HDAC5: variants seen among roughly 807,000 people sequenced by gnomAD.
HDAC5 encodes antigen NY-CO-9.
A neutral mutation model predicts 133.3 loss-of-function variants in HDAC5; 25 were observed. That is an observed-to-expected ratio of 0.19 (90% CI 0.14 to 0.26). HDAC5 has a LOEUF of 0.26. Among genes scored for constraint, HDAC5 ranks in the 10% least tolerant of loss-of-function variants. The pLI is 1.00. For missense variants in HDAC5, 1,041 were observed against 1,460.5 expected (o/e 0.71, Z 4.68); for synonymous variants, 589 against 610.8 (o/e 0.96, Z 0.53).
intron 3 of HDAC5, among the ~76,000 whole-genome samples, chr17:44,103,985 C>A (rs904786710): frequency 3.3e-5 from 5 of 150,290 alleles, no homozygotes; most frequent in Admixed American, 3.3e-4. Context: ...TGGAATTATA[C>A]GCGTGAGCCA....
At chr17:44,084,697 G>C in intron 15 of HDAC5, 22 bp from the exon 16 acceptor site, 1 of 1,613,154 alleles carries the variant, frequency 6.2e-7, no homozygotes, top group Non-Finnish European at 8.5e-7. Context: ...ATCAGTAAGA[G>C]GGGTCACACA....
chr17:44,104,723 C>T (rs2051827343), intron 3 of HDAC5, among the ~76,000 whole-genome samples: 1 of 152,204 alleles, frequency 6.6e-6, no homozygotes, highest in Non-Finnish European at 1.5e-5. Context: ...CACAGATAAG[C>T]ACAAGTTTTG....
intron 3 of HDAC5, among the ~76,000 whole-genome samples, chr17:44,108,757 A>C (rs1387066615): frequency 7.4e-6 from 1 of 135,116 alleles, no homozygotes; most frequent in Non-Finnish European, 1.5e-5. Context: ...AGTCCAAAAA[A>C]AAAACAAAAA....
rs188117064 is a variant in HDAC5 at position 44,111,654 on chromosome 17, G to T, written c.23-854C>A. 496 of 517,812 alleles carry T rather than the reference G, an allele frequency of 9.6e-4. 2 individuals are homozygous for T. Among genetic ancestry groups the T allele is most frequent in the African/African-American group, 8.5e-3 (442 of 52,048 alleles). 32.1% of individuals were successfully genotyped at this position (517,812 alleles called of 1,614,324 possible). ...AGGCACCTTCCCTGGAGTTCTAATAGCCCCATGGAGGTTTGCTTAACTTCT... is the reference window on the plus strand; with the variant it reads ...AGGCACCTTCCCTGGAGTTCTAATATCCCCATGGAGGTTTGCTTAACTTCT... On this transcript the variant is annotated intron_variant, in intron 2 of 26. Coordinates refer to ENST00000682912, the MANE Select transcript of HDAC5 (RefSeq NM_005474.5).
intron 1 of HDAC5, 68 bp downstream of exon 1, chr17:44,123,436 G>C (rs1487334654): frequency 2.8e-6 from 1 of 360,198 alleles, no homozygotes; most frequent in Non-Finnish European, 5.0e-6. Context: ...GACAGCAGGA[G>C]GAGGGGGCGC....
In HDAC5 at chr17:44,088,372, C is replaced by T. The variant is rs1038344993; in HGVS notation, c.1599+15G>A. ...CCCCACCACAGCCCCAGGCCATTCA[C>T]CTTTCCAGGCTCACCTTGCCCAGCT... On this transcript the variant is annotated intron_variant, in intron 12 of 26. Coordinates refer to ENST00000682912, the MANE Select transcript of HDAC5 (RefSeq NM_005474.5). 3.9e-6 allele frequency: 6 copies of T among 1,546,824 alleles called. No homozygotes were observed. The African/African-American group carries it at 8.2e-5, about 21-fold the overall frequency.
chr17:44,092,643 T>C (rs762201640), intron 7 of HDAC5, 33 bp downstream of exon 7: 3 of 1,528,830 alleles, frequency 2.0e-6, no homozygotes, highest in Admixed American at 2.1e-5. Flanking sequence ...CCAGGAGCCA[T>C]ATTCTGGGAG....
In HDAC5 at chr17:44,078,047, G is replaced by T. The variant is rs1360264656; in HGVS notation, c.*329C>A. The T allele has an allele frequency of 7.6e-6, 2 of 261,622 alleles. No individual in the cohort carries two copies. Among genetic ancestry groups the T allele is most frequent in the Non-Finnish European group, 1.4e-5 (2 of 138,446 alleles). 16.2% of individuals were successfully genotyped at this position (261,622 alleles called of 1,614,324 possible). ...TTCCCTCCTCACTCGGGGGGCCCCA[G>T]AACTGGAGAGTACTGTCTGGGCCCC... On this transcript the variant is annotated 3_prime_UTR_variant, in exon 27 of 27. Coordinates refer to ENST00000682912, the MANE Select transcript of HDAC5 (RefSeq NM_005474.5).
At chr17:44,107,940 T>C (rs944894835) in intron 3 of HDAC5, among the ~76,000 whole-genome samples, 1 of 152,044 alleles carries the variant, frequency 6.6e-6, no homozygotes, top group African/African-American at 2.4e-5. Context: ...GGGCATCAGC[T>C]CCACCCAGTA....
intron 3 of HDAC5, among the ~76,000 whole-genome samples, chr17:44,097,949 G>A (rs2051371022): frequency 2.0e-5 from 3 of 152,370 alleles, no homozygotes; most frequent in African/African-American, 7.2e-5. Context: ...CAGCCCTATT[G>A]GTATGCAGGT....
At chr17:44,097,835 G>C (rs1031948895) in intron 3 of HDAC5, among the ~76,000 whole-genome samples, 5 of 152,264 alleles carry the variant, frequency 3.3e-5, no homozygotes, top group Admixed American at 3.3e-4. Context: ...CCTTGCAGGA[G>C]CCCTGCAGAG....
At chr17:44,094,699 G>A (rs760030758) in intron 3 of HDAC5, among the ~76,000 whole-genome samples, 3 of 151,754 alleles carry the variant, frequency 2.0e-5, no homozygotes, top group Non-Finnish European at 4.4e-5. Context: ...ACTACTCGAC[G>A]CATTTTATGT....
intron 3 of HDAC5, among the ~76,000 whole-genome samples, chr17:44,107,978 A>G (rs1415688951): frequency 1.3e-5 from 2 of 152,170 alleles, no homozygotes; most frequent in Non-Finnish European, 2.9e-5. Flanking sequence ...CAGGGCCCAC[A>G]TAAGGGAGGC....
intron 11 of HDAC5, among the ~76,000 whole-genome samples, chr17:44,089,959 A>G (rs907650210): frequency 5.5e-5 from 8 of 145,122 alleles, no homozygotes; most frequent in Non-Finnish European, 1.1e-4. Flanking sequence ...AAGGATGAGC[A>G]TGGCGGCTCA....
chr17:44,092,824 TGG>T lies in HDAC5; in HGVS notation c.642-20_642-19del. ...GGGCTCCCCTGGGGTGGGGGGGGGGTGGGGATGGAAGCAGATCTAGGTTATCA... is the reference window on the plus strand; with the variant it reads ...GGGCTCCCCTGGGGTGGGGGGGGGGTGGATGGAAGCAGATCTAGGTTATCA... On this transcript the variant is annotated intron_variant, in intron 6 of 26. Transcript: ENST00000682912. 3.4e-6 allele frequency: 1 copy of T among 291,860 alleles called. No homozygotes were observed. The allele number at this position is 291,860 out of a possible 1,614,324, so 18.1% of individuals were successfully genotyped here.
At chr17:44,114,247 AG>A (rs1483532631) in intron 2 of HDAC5, among the ~76,000 whole-genome samples, 18 of 152,344 alleles carry the variant, frequency 1.2e-4, no homozygotes, top group African/African-American at 4.1e-4. Flanking sequence ...GCATCTCAGT[AG>A]AGAAGGGAGG....
intron 11 of HDAC5, among the ~76,000 whole-genome samples, chr17:44,090,304 T>C (rs1246615132): frequency 6.6e-6 from 1 of 152,114 alleles, no homozygotes; most frequent in Non-Finnish European, 1.5e-5. Context: ...AAAGAATAAC[T>C]GCATATGTAT....
At chr17:44,103,983 T>C (rs1438068501) in intron 3 of HDAC5, among the ~76,000 whole-genome samples, 1 of 151,852 alleles carries the variant, frequency 6.6e-6, no homozygotes, top group Non-Finnish European at 1.5e-5. Context: ...GCTGGAATTA[T>C]ACGCGTGAGC....
intron 2 of HDAC5, among the ~76,000 whole-genome samples, chr17:44,113,842 T>C (rs956602895): frequency 6.6e-6 from 1 of 152,214 alleles, no homozygotes; most frequent in Non-Finnish European, 1.5e-5. Flanking sequence ...CAAGGTCTGC[T>C]TAGTGTGCAG....
Sources: allele counts gnomAD v4.1 joint callset (sites outside exome capture counted in the v4.1 genomes callset), GRCh38; gene constraint gnomAD v4.1.1; transcripts MANE v1.5; gene names NCBI Gene and HGNC (gene_info 2026-07-23, HGNC 2026-07-21).